The following GHR variants were observed in gnomAD, a reference collection of about 807,000 sequenced individuals.
GHR encodes GH receptor.
GHR carries 35 observed loss-of-function variants against 67.1 expected under a neutral mutation model. The observed-to-expected ratio is 0.52, with a 90% CI of 0.40 to 0.69. The LOEUF (loss-of-function observed/expected upper bound fraction) is 0.69, where lower values mean the gene tolerates loss of function less well. GHR is among the 30% of genes least tolerant of loss of function. GHR has a pLI of 0.00. For synonymous variants in GHR, 272 were observed against 269.1 expected (o/e 1.01, Z -0.10); for missense variants, 792 against 764.6 (o/e 1.04, Z -0.42).
chr5:42,477,243 G>A (rs898349112), intron 1 of GHR, among the ~76,000 whole-genome samples: 1 of 151,932 alleles, frequency 6.6e-6, no homozygotes, highest in African/African-American at 2.4e-5. Context: ...AGTATTCCAT[G>A]GTGTATATGT....
At chr5:42,487,803 G>T (rs933784282) in intron 1 of GHR, among the ~76,000 whole-genome samples, 1 of 152,068 alleles carries the variant, frequency 6.6e-6, no homozygotes, top group Non-Finnish European at 1.5e-5. Flanking sequence ...ACTAATAAAG[G>T]TTATTATTGC....
chr5:42,718,600 C>T lies in GHR; in HGVS notation c.1093C>T (p.Leu365Phe). ...EKTEESDTDRLLSSDHEKSHS... is the reference protein window; with the variant it reads ...EKTEESDTDRFLSSDHEKSHS... Reference sequence around the variant, plus strand: ...GACTGAGGAATCAGACACAGACAGACTTCTAAGCAGTGACCATGAGAAATC... The same window carrying T: ...GACTGAGGAATCAGACACAGACAGATTTCTAAGCAGTGACCATGAGAAATC... The change falls in exon 10 of 10, where the codon CTT becomes TTT. Residue 365 changes from leucine to phenylalanine, a missense_variant. Physicochemically the swap from Leu to Phe is conservative, Grantham distance 22. Coordinates refer to ENST00000230882, the MANE Select transcript of GHR (RefSeq NM_000163.5). 6.2e-7 allele frequency: 1 copy of T among 1,614,046 alleles called. No individual in the cohort carries two copies. The highest frequency in any genetic ancestry group is 8.5e-7 in the Non-Finnish European group (1 of 1,179,944).
intron 6 of GHR, among the ~76,000 whole-genome samples, chr5:42,706,834 T>A (rs939969574): frequency 1.3e-5 from 2 of 152,130 alleles, no homozygotes; most frequent in Non-Finnish European, 2.9e-5. Context: ...CCCCTGGGTT[T>A]ATTCTTTTTA....
intron 2 of GHR, among the ~76,000 whole-genome samples, chr5:42,590,769 T>C (rs1751733412): frequency 6.6e-6 from 1 of 152,240 alleles, no homozygotes; most frequent in African/African-American, 2.4e-5. Context: ...TGACTTTGAA[T>C]GGATCTTCAG....
At chr5:42,709,374 C>T (rs571738119) in intron 6 of GHR, among the ~76,000 whole-genome samples, 3 of 152,174 alleles carry the variant, frequency 2.0e-5, no homozygotes, top group Non-Finnish European at 4.4e-5. Flanking sequence ...AACTCCTGAC[C>T]TCAGGTCATC....
chr5:42,457,764 G>A (rs927282345), intron 1 of GHR, among the ~76,000 whole-genome samples: 1 of 152,048 alleles, frequency 6.6e-6, no homozygotes, highest in African/African-American at 2.4e-5. Context: ...TATACATGGT[G>A]GATTACAGAA....
chr5:42,558,720 A>G (rs1749443360), intron 1 of GHR, among the ~76,000 whole-genome samples: 1 of 152,204 alleles, frequency 6.6e-6, no homozygotes, highest in Non-Finnish European at 1.5e-5. Flanking sequence ...AGGCTATACC[A>G]TCTAGGTTTG....
At chr5:42,568,767 T>C (rs1389561326) in intron 2 of GHR, among the ~76,000 whole-genome samples, 1 of 152,142 alleles carries the variant, frequency 6.6e-6, no homozygotes, top group Non-Finnish European at 1.5e-5. Context: ...GATTGTGTGA[T>C]GAAGAGAAAT....
At chr5:42,661,787 C>A (rs1283775938) in intron 3 of GHR, among the ~76,000 whole-genome samples, 2 of 152,100 alleles carry the variant, frequency 1.3e-5, no homozygotes, top group Non-Finnish European at 2.9e-5. Context: ...ACTAAATGCT[C>A]CAATTAAAAG....
At position 42,695,074 on chromosome 5, in the gene GHR, T is replaced by C; in HGVS notation, c.424T>C (p.Ser142Pro). 1 of 1,609,626 alleles carries C rather than the reference T, an allele frequency of 6.2e-7. No individual in the cohort carries two copies. ...TGGTACAGTGGATGAAAAGTGTTTC[T>C]CTGTTGATGAAATAGGTAAATCACA... ...NGGTVDEKCF[S>P]VDEIVQPDPP... Residue 142 changes from serine (S) to proline (P), a missense_variant, in exon 5 of 10, where the codon TCT becomes CCT. Physicochemically the swap from Ser to Pro is moderately conservative, Grantham distance 74. Coordinates refer to ENST00000230882, the MANE Select transcript of GHR (RefSeq NM_000163.5).
intron 2 of GHR, among the ~76,000 whole-genome samples, chr5:42,580,640 G>T (rs926532061): frequency 6.6e-6 from 1 of 152,188 alleles, no homozygotes; most frequent in Non-Finnish European, 1.5e-5. Context: ...GAGGCCCAGA[G>T]AATTAAACGA....
intron 1 of GHR, among the ~76,000 whole-genome samples, chr5:42,520,691 C>T (rs1747435449): frequency 6.6e-6 from 1 of 152,148 alleles, no homozygotes; most frequent in Admixed American, 6.5e-5. Flanking sequence ...GAGCATGTTA[C>T]AGCAGCAGTA....
At position 42,424,171 on chromosome 5, in the gene GHR, A is replaced by AGTGT. The variant is rs1158830359; in HGVS notation, c.-12+261_-12+264dup. Among the ~76,000 whole-genome samples the AGTGT allele has an allele frequency of 0.13, 13,075 of 100,418 alleles. 1,209 individuals carry two copies. Among genetic ancestry groups the AGTGT allele is most frequent in the East Asian group, 0.23 (747 of 3,216 alleles). 65.9% of individuals were successfully genotyped at this position (100,418 alleles called of 152,430 possible). A position where few individuals can be genotyped will look rare whatever the true frequency, so the allele number is the denominator to read the frequency against. On this transcript the variant is annotated intron_variant, in intron 1 of 9. Transcript: ENST00000230882. The surrounding 1 kb of genome is among the most constrained non-coding windows in gnomAD (Gnocchi z 4.1). Reference sequence around the variant, plus strand: ...CTGGTGGGTTGTTGTAACCCAATCTAGTGTGTGTGTGTGTGTGTGTGTGTG... The same window carrying AGTGT: ...CTGGTGGGTTGTTGTAACCCAATCTAGTGTGTGTGTGTGTGTGTGTGTGTGTGTG...
At chr5:42,698,184 C>T (rs1757768227) in intron 5 of GHR, among the ~76,000 whole-genome samples, 3 of 152,078 alleles carry the variant, frequency 2.0e-5, no homozygotes. Context: ...GTCAATATAG[C>T]ATGTAGATTT....
At chr5:42,447,404 C>T (rs1346472979) in intron 1 of GHR, among the ~76,000 whole-genome samples, 1 of 152,150 alleles carries the variant, frequency 6.6e-6, no homozygotes, top group Admixed American at 6.6e-5. Context: ...ATTTGGTTTT[C>T]CATTCCTGAG....
intron 1 of GHR, chr5:42,468,381 C>T: frequency 7.8e-7 from 1 of 1,278,092 alleles, no homozygotes; most frequent in South Asian, 1.5e-5. Context: ...CAGGTCAAAC[C>T]CCATCTAAGC....
intron 2 of GHR, among the ~76,000 whole-genome samples, chr5:42,601,465 T>C (rs1336226145): frequency 6.6e-6 from 1 of 152,158 alleles, no homozygotes; most frequent in Non-Finnish European, 1.5e-5. Flanking sequence ...CTCCATTGTT[T>C]TAAGGTTAGT....
intron 1 of GHR, among the ~76,000 whole-genome samples, chr5:42,501,883 C>T (rs1055164390): frequency 6.6e-6 from 1 of 152,186 alleles, no homozygotes; most frequent in Non-Finnish European, 1.5e-5. Context: ...ATCCTATAAT[C>T]ACCATGCTTG....
Position 42,627,535 on chromosome 5 carries a change from G to A in GHR, c.71-1503G>A, listed in dbSNP as rs1321640620. 2.6e-5 allele frequency among the ~76,000 whole-genome samples: 4 copies of A among 152,330 alleles called. No individual in the cohort carries two copies. In the East Asian group the frequency reaches 5.8e-4, roughly 22 times the overall value. On this transcript the variant is annotated intron_variant, in intron 2 of 9. Transcript: ENST00000230882. ...AAAATATTTTAAAGAGATTTATTCT[G>A]AGCCAATATAAGTGACTGTGGCCCC...
Sources: allele counts gnomAD v4.1 joint callset (sites outside exome capture counted in the v4.1 genomes callset), GRCh38; gene constraint gnomAD v4.1.1; non-coding constraint Gnocchi (gnomAD v3.1); transcripts MANE v1.5; gene names NCBI Gene and HGNC (gene_info 2026-07-23, HGNC 2026-07-21).